EYA2: variants seen among roughly 807,000 people sequenced by gnomAD.
EYA2 encodes protein phosphatase EYA2.
A neutral mutation model predicts 69.2 loss-of-function variants in EYA2; 31 were observed. The ratio of observed to expected loss-of-function variants is 0.45; its 90% CI spans 0.34 to 0.60. The LOEUF is 0.60. Ranked by LOEUF, EYA2 falls within the 20% of genes least tolerant of loss-of-function variation. The pLI, the probability that EYA2 is intolerant of heterozygous loss-of-function variation, is 0.02. For synonymous variants in EYA2, 257 were observed against 279.4 expected (o/e 0.92, Z 0.80); for missense variants, 622 against 701.2 (o/e 0.89, Z 1.28).
intron 1 of EYA2, among the ~76,000 whole-genome samples, chr20:46,964,648 C>G (rs1381095138): frequency 1.3e-5 from 2 of 152,210 alleles, no homozygotes; most frequent in Non-Finnish European, 2.9e-5. Context: ...CTGCTAAATG[C>G]TTTCAAAACT....
intron 9 of EYA2, among the ~76,000 whole-genome samples, chr20:47,135,614 G>A (rs1288651389): frequency 6.6e-6 from 1 of 151,542 alleles, no homozygotes; most frequent in East Asian, 1.9e-4. Context: ...TTTGTTCAAA[G>A]GGTTGTACAG....
chr20:47,127,731 A>G (rs1027127937), intron 9 of EYA2, among the ~76,000 whole-genome samples: 1 of 152,186 alleles, frequency 6.6e-6, no homozygotes, highest in Non-Finnish European at 1.5e-5. Flanking sequence ...AAAGATAAGC[A>G]GACAGTCCTG....
intron 9 of EYA2, among the ~76,000 whole-genome samples, chr20:47,132,803 A>G (rs751035299): frequency 2.0e-5 from 3 of 152,188 alleles, no homozygotes; most frequent in Non-Finnish European, 2.9e-5. Context: ...TTTTCAGACT[A>G]CATAATAACC....
rs565212312 is a variant in EYA2 at position 47,057,514 on chromosome 20, C to G, written c.416-14671C>G. 8.7e-5 allele frequency among the ~76,000 whole-genome samples: 13 copies of G among 149,904 alleles called. No homozygotes were observed. The East Asian group carries it at 1.8e-3, about 21-fold the overall frequency. On this transcript the variant is annotated intron_variant, in intron 5 of 15. Transcript: ENST00000327619. ...CTGCTGACTACTTTTTATATCACCC[C>G]CCCCCCCCATCTCATACCTCCAGAC... is the stretch of plus-strand genomic sequence containing the variant.
chr20:47,024,743 C>G (rs995241577), intron 5 of EYA2, among the ~76,000 whole-genome samples: 3 of 152,244 alleles, frequency 2.0e-5, no homozygotes, highest in African/African-American at 7.2e-5. Context: ...TGTTTCTCCT[C>G]TTGCAAGGAT....
intron 3 of EYA2, 106 bp downstream of exon 3, chr20:47,001,579 A>G (rs1315775774): frequency 3.4e-6 from 4 of 1,192,536 alleles, no homozygotes; most frequent in Admixed American, 1.8e-5. Flanking sequence ...CTGGATAGGA[A>G]TCCCAGCCGT....
intron 2 of EYA2, among the ~76,000 whole-genome samples, chr20:46,994,431 A>G (rs897978864): frequency 5.3e-5 from 8 of 152,130 alleles, no homozygotes; most frequent in Non-Finnish European, 8.8e-5. Context: ...ATTTTTCAGA[A>G]ACTGATGCTC....
At chr20:46,974,476 CAG>C (rs1386879042) in intron 1 of EYA2, among the ~76,000 whole-genome samples, 3 of 152,088 alleles carry the variant, frequency 2.0e-5, no homozygotes, top group Non-Finnish European at 4.4e-5. Context: ...AAGAGGTAAA[CAG>C]TGAAGGGTAA....
At chr20:47,160,372 T>C (rs941180872) in intron 10 of EYA2, among the ~76,000 whole-genome samples, 1 of 152,234 alleles carries the variant, frequency 6.6e-6, no homozygotes, top group Non-Finnish European at 1.5e-5. Context: ...TGAACATAGA[T>C]GTGTTCTAAT....
intron 1 of EYA2, among the ~76,000 whole-genome samples, chr20:46,924,610 C>A (rs1985324675): frequency 7.1e-6 from 1 of 139,982 alleles, no homozygotes; most frequent in Non-Finnish European, 1.5e-5. Flanking sequence ...GCGGAGCTTG[C>A]AGTGAGCCGA....
chr20:46,947,148 A>G (rs1354845899), intron 1 of EYA2, among the ~76,000 whole-genome samples: 2 of 152,314 alleles, frequency 1.3e-5, no homozygotes, highest in East Asian at 1.9e-4. Context: ...GAGTTGAGGA[A>G]TGGCTGGCTG....
intron 5 of EYA2, 109 bp from the exon 6 acceptor site, chr20:47,072,076 T>C (rs183847327): frequency 1.9e-4 from 191 of 980,526 alleles, no homozygotes; most frequent in Middle Eastern, 2.2e-4. Context: ...TCTGCCCAGC[T>C]GTCACCCTTG....
At chr20:46,912,664 A>G (rs952483513) in intron 1 of EYA2, among the ~76,000 whole-genome samples, 2 of 151,726 alleles carry the variant, frequency 1.3e-5, no homozygotes, top group Admixed American at 6.6e-5. Context: ...ACATTGAGGT[A>G]GAACAGGGAA....
chr20:47,185,828 C>G (rs1395492130), intron 15 of EYA2, among the ~76,000 whole-genome samples: 1 of 152,196 alleles, frequency 6.6e-6, no homozygotes, highest in Non-Finnish European at 1.5e-5. Context: ...ATTCAGAGGA[C>G]TTTGCTTGAG....
At chr20:47,007,701 C>T (rs112792491) in intron 4 of EYA2, among the ~76,000 whole-genome samples, 5 of 152,060 alleles carry the variant, frequency 3.3e-5, no homozygotes, top group African/African-American at 9.6e-5. Flanking sequence ...CTGCACCCTC[C>T]ACCTCCCAGG....
intron 5 of EYA2, among the ~76,000 whole-genome samples, chr20:47,058,447 G>A (rs1393067241): frequency 6.6e-6 from 1 of 152,220 alleles, no homozygotes; most frequent in Non-Finnish European, 1.5e-5. Flanking sequence ...AGGCCCACAA[G>A]GGGATGGGTG....
chr20:47,185,440 A>C (rs988212373), intron 15 of EYA2, among the ~76,000 whole-genome samples: 1 of 151,822 alleles, frequency 6.6e-6, no homozygotes, highest in Non-Finnish European at 1.5e-5. Flanking sequence ...AGCTGGGATT[A>C]CAGGCATGAG....
intron 5 of EYA2, among the ~76,000 whole-genome samples, chr20:47,026,384 C>T (rs1222726748): frequency 6.6e-6 from 1 of 151,838 alleles, no homozygotes; most frequent in African/African-American, 2.4e-5. Context: ...AACCAGGACT[C>T]AGAAATCCAA....
At chr20:46,916,451 T>C (rs1191071392) in intron 1 of EYA2, among the ~76,000 whole-genome samples, 1 of 152,026 alleles carries the variant, frequency 6.6e-6, no homozygotes, top group Non-Finnish European at 1.5e-5. Context: ...CTTAAGTGTG[T>C]GAGTTTGTGT....
Sources: allele counts gnomAD v4.1 joint callset (sites outside exome capture counted in the v4.1 genomes callset), GRCh38; gene constraint gnomAD v4.1.1; transcripts MANE v1.5; gene names NCBI Gene and HGNC (gene_info 2026-07-23, HGNC 2026-07-21).